The following COL8A1 variants were observed in gnomAD, a reference collection of about 807,000 sequenced individuals.
COL8A1 encodes collagen alpha-1(VIII) chain.
In COL8A1, 21 loss-of-function variants were observed where a neutral mutation model predicts 42.7. That is an observed-to-expected ratio of 0.49 (90% CI 0.35 to 0.71). The LOEUF (loss-of-function observed/expected upper bound fraction) is 0.71, where lower values mean the gene tolerates loss of function less well. COL8A1 is among the 30% of genes least tolerant of loss of function. The pLI, the probability that COL8A1 is intolerant of heterozygous loss-of-function variation, is 0.01. For synonymous variants in COL8A1, 367 were observed against 369.1 expected, an observed-to-expected ratio of 0.99 and a Z score of 0.06; for missense variants, 788 against 962.4, an observed-to-expected ratio of 0.82 and a Z score of 2.40.
intron 1 of COL8A1, chr3:99,679,241 A>C (rs1438287689): frequency 6.6e-6 from 1 of 152,250 alleles, no homozygotes; most frequent in African/African-American, 2.4e-5. Flanking sequence ...AATATGAAAT[A>C]ATATTACTAC....
intron 1 of COL8A1, among the ~76,000 whole-genome samples, chr3:99,694,200 T>C (rs1352863211): frequency 1.3e-5 from 2 of 152,134 alleles, no homozygotes; most frequent in Non-Finnish European, 2.9e-5. Flanking sequence ...AAAGAAAAAG[T>C]GGCTGGGTGC....
chr3:99,673,731 A>G (rs1041734111), intron 1 of COL8A1, among the ~76,000 whole-genome samples: 5 of 152,028 alleles, frequency 3.3e-5, no homozygotes, highest in Admixed American at 6.6e-5. Flanking sequence ...GAGGTAGCAG[A>G]GCATAGGTAT....
chr3:99,795,940 A>G lies in COL8A1; in HGVS notation c.2039A>G (p.Lys680Arg), dbSNP rs764737921. 2 of 1,614,180 alleles carry G rather than the reference A, an allele frequency of 1.2e-6. No homozygotes were observed. Among genetic ancestry groups the G allele is most frequent in the East Asian group, 2.2e-5 (1 of 44,888 alleles). Residue 680 changes from lysine to arginine, a missense_variant, in exon 4 of 4, where the codon AAG becomes AGG. Lys to Arg is a conservative substitution (Grantham distance 26). This residue lies in a region of COL8A1 where 212 missense variants were observed against 210.9 expected (regional missense o/e 1.00). Transcript: ENST00000652472. ...GGCAACGTGTGGGTTGCTCTATTCAAGAACAACGAGCCCGTGATGTACACG... is the reference window on the plus strand; with the variant it reads ...GGCAACGTGTGGGTTGCTCTATTCAGGAACAACGAGCCCGTGATGTACACG... Reference protein sequence around the residue: ...KGGNVWVALFKNNEPVMYTYD... With the variant: ...KGGNVWVALFRNNEPVMYTYD...
At chr3:99,739,901 C>T (rs569899306) in intron 1 of COL8A1, among the ~76,000 whole-genome samples, 9 of 152,246 alleles carry the variant, frequency 5.9e-5, no homozygotes, top group African/African-American at 1.9e-4. Context: ...TCTTTTCTAT[C>T]GCATCATCAA....
At chr3:99,639,845 C>T (rs1338170486) in intron 1 of COL8A1, among the ~76,000 whole-genome samples, 2 of 152,172 alleles carry the variant, frequency 1.3e-5, no homozygotes, top group African/African-American at 4.8e-5. Context: ...GTCAGGAAAC[C>T]AAACCACTCT....
chr3:99,792,979 C>T (rs1394340621), intron 3 of COL8A1, among the ~76,000 whole-genome samples: 3 of 152,170 alleles, frequency 2.0e-5, no homozygotes, highest in Non-Finnish European at 4.4e-5. Context: ...GAGGAAATAT[C>T]TTGGCCATAA....
intron 2 of COL8A1, among the ~76,000 whole-genome samples, chr3:99,760,172 G>T (rs1051922291): frequency 6.6e-6 from 1 of 152,076 alleles, no homozygotes; most frequent in African/African-American, 2.4e-5. Flanking sequence ...TTTTGAGAAT[G>T]TCTTTTCACT....
At chr3:99,649,025 T>C (rs7613565) in intron 1 of COL8A1, among the ~76,000 whole-genome samples, 48,790 of 151,736 alleles carry the variant, frequency 0.32, 8,607 homozygotes, top group African/African-American at 0.46. Context: ...TCACATTCTG[T>C]TATGCTTTTT....
intron 3 of COL8A1, among the ~76,000 whole-genome samples, chr3:99,791,550 G>T (rs1282413747): frequency 6.6e-6 from 1 of 152,264 alleles, no homozygotes; most frequent in Non-Finnish European, 1.5e-5. Context: ...GAAACTAAGA[G>T]TATAGACTGC....
chr3:99,707,632 A>T (rs991556596), intron 1 of COL8A1, among the ~76,000 whole-genome samples: 5 of 152,184 alleles, frequency 3.3e-5, no homozygotes, highest in African/African-American at 1.2e-4. Context: ...AAGACAGAGG[A>T]TCTACATGAT....
At chr3:99,708,345 G>A (rs749600651) in intron 1 of COL8A1, among the ~76,000 whole-genome samples, 4 of 152,104 alleles carry the variant, frequency 2.6e-5, no homozygotes, top group Non-Finnish European at 4.4e-5. Context: ...CATAACTCAG[G>A]GGGAGTGCCT....
At chr3:99,704,803 G>A (rs942692869) in intron 1 of COL8A1, among the ~76,000 whole-genome samples, 1 of 152,168 alleles carries the variant, frequency 6.6e-6, no homozygotes, top group Non-Finnish European at 1.5e-5. Flanking sequence ...GAGTGCTGCA[G>A]GCTTTTCTTT....
intron 2 of COL8A1, among the ~76,000 whole-genome samples, chr3:99,758,235 A>G (rs1407597333): frequency 1.3e-5 from 2 of 152,194 alleles, no homozygotes; most frequent in Non-Finnish European, 2.9e-5. Flanking sequence ...AACATTAGTT[A>G]GCACATTCTT....
At chr3:99,642,866 T>C (rs1435770405) in intron 1 of COL8A1, among the ~76,000 whole-genome samples, 2 of 152,198 alleles carry the variant, frequency 1.3e-5, no homozygotes, top group Non-Finnish European at 2.9e-5. Context: ...TTAATTCACA[T>C]ACCTAGAAGA....
chr3:99,760,964 T>G (rs1042047772), intron 2 of COL8A1, among the ~76,000 whole-genome samples: 2 of 152,182 alleles, frequency 1.3e-5, no homozygotes, highest in African/African-American at 4.8e-5. Flanking sequence ...CTTGAACATT[T>G]CAAATAAGCA....
chr3:99,748,406 A>G (rs1941074693), intron 2 of COL8A1, among the ~76,000 whole-genome samples: 1 of 152,212 alleles, frequency 6.6e-6, no homozygotes, highest in African/African-American at 2.4e-5. Context: ...AGAATGTAAA[A>G]TGTCTCATCA....
chr3:99,741,671 C>T (rs993010283), intron 1 of COL8A1, among the ~76,000 whole-genome samples: 3 of 152,150 alleles, frequency 2.0e-5, no homozygotes, highest in Non-Finnish European at 4.4e-5. Context: ...GGAGTGCCTA[C>T]AAATGGCTTC....
At chr3:99,714,854 A>G (rs929677884) in intron 1 of COL8A1, among the ~76,000 whole-genome samples, 1 of 152,152 alleles carries the variant, frequency 6.6e-6, no homozygotes, top group African/African-American at 2.4e-5. Flanking sequence ...TAGAGGGAGA[A>G]GGAACCACTT....
At chr3:99,715,387 C>T (rs1939967756) in intron 1 of COL8A1, among the ~76,000 whole-genome samples, 2 of 151,950 alleles carry the variant, frequency 1.3e-5, no homozygotes, top group Admixed American at 6.6e-5. Context: ...TCTTACAGAC[C>T]GTTCAGATGT....
Sources: gnomAD v4.1 joint callset for allele counts (sites outside exome capture counted in the v4.1 genomes callset) on GRCh38, gnomAD v4.1.1 for gene constraint, gnomAD v4.1.1 regional missense constraint, MANE v1.5 for transcripts, NCBI Gene and HGNC (gene_info 2026-07-23, HGNC 2026-07-21) for gene names.